RFX3: variants seen among roughly 807,000 people sequenced by gnomAD.
The protein encoded by RFX3 is regulatory factor X3.
A neutral mutation model predicts 98.6 loss-of-function variants in RFX3; 14 were observed. The observed-to-expected ratio is 0.14, with a 90% CI of 0.09 to 0.22. The LOEUF (loss-of-function observed/expected upper bound fraction) is 0.22. Among genes scored for constraint, RFX3 ranks in the 10% least tolerant of loss-of-function variants. RFX3 has a pLI of 1.00. For synonymous variants in RFX3, 383 were observed against 328.4 expected, an observed-to-expected ratio of 1.17 and a Z score of -1.80; for missense variants, 639 against 926.9, an observed-to-expected ratio of 0.69 and a Z score of 4.03.
intron 11 of RFX3, among the ~76,000 whole-genome samples, chr9:3,268,683 A>T (rs1823984184): frequency 6.6e-6 from 1 of 151,974 alleles, no homozygotes; most frequent in African/African-American, 2.4e-5. Context: ...CAAAATTTGC[A>T]AAAGACAAAG....
chr9:3,258,301 T>C (rs968861862), intron 13 of RFX3, among the ~76,000 whole-genome samples: 1 of 152,166 alleles, frequency 6.6e-6, no homozygotes, highest in Non-Finnish European at 1.5e-5. Context: ...TATGTATTTT[T>C]CTCAAAAGAG....
chr9:3,488,520 T>C (rs891521487), intron 1 of RFX3, among the ~76,000 whole-genome samples: 1 of 152,120 alleles, frequency 6.6e-6, no homozygotes, highest in Admixed American at 6.5e-5. Context: ...GTTTGAGAAA[T>C]ATAATAAAAC....
chr9:3,420,430 T>C (rs1006511583), intron 1 of RFX3, among the ~76,000 whole-genome samples: 32 of 152,322 alleles, frequency 2.1e-4, no homozygotes, highest in African/African-American at 7.2e-4. Flanking sequence ...AGCTTTACTA[T>C]TTACAAAATA....
At chr9:3,354,722 A>C (rs750596102) in intron 2 of RFX3, among the ~76,000 whole-genome samples, 2 of 151,858 alleles carry the variant, frequency 1.3e-5, no homozygotes, top group East Asian at 3.9e-4. Flanking sequence ...TTCAGACTAA[A>C]GAAAAAGAAT....
At chr9:3,505,223 TA>T (rs1816840529) in intron 1 of RFX3, among the ~76,000 whole-genome samples, 1 of 44,222 alleles carries the variant, frequency 2.3e-5, no homozygotes, top group Non-Finnish European at 3.4e-5. Context: ...AATATATATT[TA>T]TATATGAATA....
At chr9:3,460,658 T>G (rs574857992) in intron 1 of RFX3, among the ~76,000 whole-genome samples, 56 of 152,090 alleles carry the variant, frequency 3.7e-4, no homozygotes, top group African/African-American at 1.3e-3. Context: ...TGAAGCAGGA[T>G]TTCATAGACT....
intron 1 of RFX3, among the ~76,000 whole-genome samples, chr9:3,496,920 C>G (rs1320401151): frequency 6.6e-6 from 1 of 152,012 alleles, no homozygotes; most frequent in Non-Finnish European, 1.5e-5. Context: ...CAGTTTGCAT[C>G]TTTGTGGAAA....
At chr9:3,244,697 G>A (rs1820406899) in intron 15 of RFX3, among the ~76,000 whole-genome samples, 1 of 152,036 alleles carries the variant, frequency 6.6e-6, no homozygotes, top group Admixed American at 6.6e-5. Flanking sequence ...CACTTCCTTG[G>A]GAAAGACTTC....
Position 3,348,289 on chromosome 9 carries a change from T to A in RFX3, c.118-1525A>T, listed in dbSNP as rs1246917069. On this transcript the variant is annotated intron_variant, in intron 2 of 16. Transcript: ENST00000617270. ...AACAAGTTCAATTTTTTAAAAGTTGTGTACTTAGTATTGTACCATATCAGT... is the reference window on the plus strand; with the variant it reads ...AACAAGTTCAATTTTTTAAAAGTTGAGTACTTAGTATTGTACCATATCAGT... Among the ~76,000 whole-genome samples the A allele has an allele frequency of 2.6e-5, 4 of 152,144 alleles. No individual in the cohort carries two copies. The East Asian group carries it at 7.7e-4, about 29-fold the overall frequency.
chr9:3,277,711 G>A (rs1205529591), intron 7 of RFX3, among the ~76,000 whole-genome samples: 6 of 151,966 alleles, frequency 3.9e-5, no homozygotes, highest in African/African-American at 1.4e-4. Flanking sequence ...ACCTAAGAAT[G>A]AAAGAATTAT....
At chr9:3,446,037 AC>A (rs1278167724) in intron 1 of RFX3, among the ~76,000 whole-genome samples, 2 of 152,088 alleles carry the variant, frequency 1.3e-5, no homozygotes, top group African/African-American at 2.4e-5. Flanking sequence ...TCCTGCAAAA[AC>A]ATCTCCTCAA....
At chr9:3,247,046 A>G in intron 15 of RFX3, 1 of 977,656 alleles carries the variant, frequency 1.0e-6, no homozygotes, top group Non-Finnish European at 1.2e-6. Flanking sequence ...ATCTGTTTTC[A>G]CTCTTTTTTA....
chr9:3,349,824 A>C (rs1834888940), intron 2 of RFX3, among the ~76,000 whole-genome samples: 1 of 152,104 alleles, frequency 6.6e-6, no homozygotes, highest in Non-Finnish European at 1.5e-5. Context: ...TCAAGTATGA[A>C]ATATTATGAC....
At chr9:3,344,759 T>C in intron 3 of RFX3, 1 of 675,748 alleles carries the variant, frequency 1.5e-6, no homozygotes, top group South Asian at 1.7e-5. Context: ...TACAAAGCCA[T>C]TTATTTTCCC....
intron 1 of RFX3, among the ~76,000 whole-genome samples, chr9:3,463,408 A>G (rs1335047919): frequency 6.6e-6 from 1 of 152,184 alleles, no homozygotes; most frequent in Admixed American, 6.5e-5. Context: ...AAGCTACTAG[A>G]AGAACATACA....
rs868162524 is a variant in RFX3 at position 3,397,181 on chromosome 9, T to G, written c.-8-1585A>C. On this transcript the variant is annotated intron_variant, in intron 1 of 16. Coordinates refer to ENST00000617270, the MANE Select transcript of RFX3 (RefSeq NM_001282116.2). ...CTGCCATTGTTTACTCTAACAGGTATGCTTTCTCCGGCTTCCTGGCCTTGA... is the reference window on the plus strand; with the variant it reads ...CTGCCATTGTTTACTCTAACAGGTAGGCTTTCTCCGGCTTCCTGGCCTTGA... Among the ~76,000 whole-genome samples, 7 of 152,326 alleles carry G rather than the reference T, an allele frequency of 4.6e-5. No individual in the cohort carries two copies. The South Asian group carries it at 1.4e-3, about 32-fold the overall frequency.
intron 13 of RFX3, 139 bp from the exon 14 acceptor site, chr9:3,257,338 C>A (rs1372205440): frequency 1.5e-5 from 10 of 689,042 alleles, no homozygotes; most frequent in Non-Finnish European, 2.4e-5. Flanking sequence ...AAATAAAAAA[C>A]TACTTGTCAA....
chr9:3,238,947 G>A (rs576157157), intron 15 of RFX3, among the ~76,000 whole-genome samples: 1 of 150,786 alleles, frequency 6.6e-6, no homozygotes, highest in African/African-American at 2.4e-5. Flanking sequence ...ATAGTGAGCC[G>A]AGATCACCAT....
Position 3,341,928 on chromosome 9 carries a change from A to G in RFX3, c.215+4739T>C, listed in dbSNP as rs541605222. 1.2e-4 allele frequency among the ~76,000 whole-genome samples: 18 copies of G among 152,360 alleles called. No individual in the cohort carries two copies. In the South Asian group the frequency reaches 3.3e-3, roughly 28 times the overall value. On this transcript the variant is annotated intron_variant, in intron 3 of 16. Coordinates refer to ENST00000617270, the MANE Select transcript of RFX3 (RefSeq NM_001282116.2). ...CTCTTAAGGAGACAGCATTTGAATA[A>G]TAAGAAGAAAGCATAATTTCACCTG...
Sources: allele counts gnomAD v4.1 joint callset (sites outside exome capture counted in the v4.1 genomes callset), GRCh38; gene constraint gnomAD v4.1.1; transcripts MANE v1.5; gene names NCBI Gene and HGNC (gene_info 2026-07-23, HGNC 2026-07-21).